BABAM1: variants seen among roughly 807,000 people sequenced by gnomAD.
The protein encoded by BABAM1 is BRISC and BRCA1-A complex member 1.
BABAM1 carries 14 observed loss-of-function variants against 34.4 expected under a neutral mutation model. That is an observed-to-expected ratio of 0.41 (90% CI 0.27 to 0.64). The LOEUF is 0.64. Among genes scored for constraint, BABAM1 ranks in the 30% least tolerant of loss-of-function variants. The pLI is 0.34. For missense variants in BABAM1, 393 were observed against 434.0 expected (o/e 0.91, Z 0.84); for synonymous variants, 169 against 165.8 (o/e 1.02, Z -0.15).
chr19:17,279,294 CTG>C lies in BABAM1; in HGVS notation c.*251_*252del. ...TGTCATGGATAATTTTTGTTCTTCC[CTG>C]TGTGATTTTTGCCATCAAAATAAAA... On this transcript the variant is annotated 3_prime_UTR_variant, in exon 9 of 9. Transcript: ENST00000598188. The C allele has an allele frequency of 2.2e-6, 1 of 445,514 alleles. No individual in the cohort carries two copies. Among genetic ancestry groups the C allele is most frequent in the Non-Finnish European group, 4.0e-6 (1 of 250,660 alleles). 27.6% of individuals were successfully genotyped at this position (445,514 alleles called of 1,614,324 possible). A position where few individuals can be genotyped will look rare whatever the true frequency, so the allele number is the denominator to read the frequency against.
At chr19:17,272,630 TCTC>T (rs1247638503) in intron 3 of BABAM1, among the ~76,000 whole-genome samples, 1 of 151,182 alleles carries the variant, frequency 6.6e-6, no homozygotes, top group African/African-American at 2.4e-5. Flanking sequence ...TGGTCTCAAA[TCTC>T]CTGACCTCAT....
chr19:17,277,097 A>G (rs1452454441), intron 8 of BABAM1, 188 bp downstream of exon 8: 1 of 590,898 alleles, frequency 1.7e-6, no homozygotes, highest in South Asian at 2.2e-5. Flanking sequence ...GGTGGCAGCC[A>G]TTGGGACGAT....
chr19:17,269,986 A>G (rs2073819970), intron 2 of BABAM1, among the ~76,000 whole-genome samples: 1 of 149,548 alleles, frequency 6.7e-6, no homozygotes, highest in African/African-American at 2.5e-5. Context: ...AGTGCAGTGC[A>G]GTGGCGCTAT....
chr19:17,277,107 T>C (rs774393210), intron 8 of BABAM1, 198 bp downstream of exon 8: 1 of 580,648 alleles, frequency 1.7e-6, no homozygotes, highest in South Asian at 2.2e-5. Flanking sequence ...ATTGGGACGA[T>C]GGTCCAGGCA....
At position 17,276,605 on chromosome 19, in the gene BABAM1, C is replaced by G. The variant is rs1169038779; in HGVS notation, c.680C>G (p.Ser227Cys). Reference protein sequence around the residue: ...YSRPPCQPQFSLTEPMKKMFQ... With the variant: ...YSRPPCQPQFCLTEPMKKMFQ... ...CGTCCACCTTGCCAGCCCCAGTTCTCCTTGACGGAGCCCATGAAGGTGGGT... is the reference window on the plus strand; with the variant it reads ...CGTCCACCTTGCCAGCCCCAGTTCTGCTTGACGGAGCCCATGAAGGTGGGT... Residue 227 changes from serine to cysteine, a missense_variant, in exon 7 of 9, where the codon TCC (serine) becomes TGC (cysteine). Ser to Cys is a moderately radical substitution (Grantham distance 112). Coordinates refer to ENST00000598188, the MANE Select transcript of BABAM1 (RefSeq NM_014173.4). The G allele has an allele frequency of 4.4e-6, 7 of 1,605,828 alleles. No individual in the cohort carries two copies. Among genetic ancestry groups the G allele is most frequent in the Non-Finnish European group, 6.0e-6 (7 of 1,176,322 alleles).
chr19:17,277,202 C>CTTT, intron 8 of BABAM1: 1 of 175,932 alleles, frequency 5.7e-6, no homozygotes, highest in East Asian at 1.5e-4. Flanking sequence ...CTTTCTTCTT[C>CTTT]TTTTTTTTTT....
intron 1 of BABAM1, among the ~76,000 whole-genome samples, chr19:17,268,221 C>A (rs2073791226): frequency 6.7e-6 from 1 of 149,572 alleles, no homozygotes; most frequent in African/African-American, 2.5e-5. Flanking sequence ...GATGTGCTCA[C>A]TGGCCGAGTA....
intron 3 of BABAM1, among the ~76,000 whole-genome samples, 165 bp from the exon 4 acceptor site, chr19:17,273,739 A>G (rs2073874267): frequency 6.6e-6 from 1 of 150,906 alleles, no homozygotes; most frequent in Non-Finnish European, 1.5e-5. Flanking sequence ...ATTTTTTTGT[A>G]TTTTTAGTAG....
chr19:17,276,734 A>G, intron 7 of BABAM1, 89 bp from the exon 8 acceptor site: 2 of 1,555,034 alleles, frequency 1.3e-6, no homozygotes, highest in African/African-American at 1.4e-5. Flanking sequence ...GTAAGTTCCC[A>G]GAGTCTGAGG....
chr19:17,276,609 G>A lies in BABAM1; in HGVS notation c.684G>A (p.Leu228=), dbSNP rs553145535. 17 of 1,605,412 alleles carry A rather than the reference G, an allele frequency of 1.1e-5. No homozygotes were observed. The South Asian group carries it at 1.5e-4, about 14-fold the overall frequency. ...CACCTTGCCAGCCCCAGTTCTCCTT[G>A]ACGGAGCCCATGAAGGTGGGTGAGG... ...SRPPCQPQFS[L]TEPMKKMFQC... Residue 228 remains leucine, a synonymous_variant, in exon 7 of 9, where the codon TTG becomes TTA. Transcript: ENST00000598188.
At chr19:17,276,717 C>T in intron 7 of BABAM1, 93 bp downstream of exon 7, 3 of 1,555,206 alleles carry the variant, frequency 1.9e-6, no homozygotes, top group Non-Finnish European at 1.7e-6. Flanking sequence ...GGCTGGGGTG[C>T]CTAGAGGTAA....
intron 2 of BABAM1, among the ~76,000 whole-genome samples, chr19:17,269,714 T>C (rs565522425): frequency 5.3e-5 from 8 of 151,872 alleles, no homozygotes; most frequent in African/African-American, 1.4e-4. Context: ...TGCATCACTC[T>C]AGTCTTTGCC....
intron 3 of BABAM1, among the ~76,000 whole-genome samples, chr19:17,273,559 G>GTTTTT (rs1252906493): frequency 4.1e-5 from 1 of 24,614 alleles, no homozygotes. Flanking sequence ...TTTTTTGTTT[G>GTTTTT]TTTTGTTTTT....
At chr19:17,272,573 T>A (rs2073854473) in intron 3 of BABAM1, among the ~76,000 whole-genome samples, 1 of 151,590 alleles carries the variant, frequency 6.6e-6, no homozygotes, top group East Asian at 2.0e-4. Context: ...CCTGGCTAAT[T>A]TTTTTGTATT....
chr19:17,274,194 C>G lies in BABAM1; in HGVS notation c.544+9C>G, dbSNP rs776331934. The G allele has an allele frequency of 6.2e-7, 1 of 1,612,030 alleles. No individual in the cohort carries two copies. The highest frequency in any genetic ancestry group is 8.5e-7 in the Non-Finnish European group (1 of 1,179,674). On this transcript the variant is annotated intron_variant, in intron 5 of 8. Transcript: ENST00000598188. ...CTCCTGTTCCACCTTCAGTATCCTT[C>G]CTGGCAGAGATGTCCCCATGAAGGG...
chr19:17,275,978 G>C (rs575045844), intron 6 of BABAM1, among the ~76,000 whole-genome samples, 153 bp downstream of exon 6: 14 of 152,306 alleles, frequency 9.2e-5, no homozygotes, highest in Middle Eastern at 3.4e-3. Flanking sequence ...TGTGTGTCTT[G>C]GGAGCATGGG....
At chr19:17,278,767 G>T in intron 8 of BABAM1, 78 bp from the exon 9 acceptor site, 1 of 1,394,454 alleles carries the variant, frequency 7.2e-7, no homozygotes, top group Middle Eastern at 2.0e-4. Flanking sequence ...CTTCTGAGAA[G>T]CCCTCCAGGG....
At chr19:17,277,154 C>T in intron 8 of BABAM1, 1 of 441,920 alleles carries the variant, frequency 2.3e-6, no homozygotes, top group Non-Finnish European at 4.0e-6. Flanking sequence ...TCCAACGTTC[C>T]CTGCGTTCCT....
At position 17,267,523 on chromosome 19, in the gene BABAM1, C is replaced by G. The variant is rs895167510; in HGVS notation, c.-18C>G. 5 of 152,160 alleles carry G rather than the reference C, an allele frequency of 3.3e-5. No individual in the cohort carries two copies. Among genetic ancestry groups the G allele is most frequent in the African/African-American group, 1.2e-4 (5 of 41,422 alleles). The allele number at this position is 152,160 out of a possible 1,614,324, so 9.4% of individuals were successfully genotyped here. On this transcript the variant is annotated 5_prime_UTR_variant, in exon 1 of 9. Transcript: ENST00000598188. ...GAAGGAGGTTCAGGCTACGGTGAGC[C>G]GAAGGTGGGTGGTGAAAGCGTGTGG...
Sources: allele counts gnomAD v4.1 joint callset (sites outside exome capture counted in the v4.1 genomes callset), GRCh38; gene constraint gnomAD v4.1.1; transcripts MANE v1.5; gene names NCBI Gene and HGNC (gene_info 2026-07-23, HGNC 2026-07-21).